The following CDKN2D variants were observed in gnomAD, a reference collection of about 807,000 sequenced individuals.
The protein encoded by CDKN2D is cyclin dependent kinase inhibitor 2D.
Under a neutral mutation model 4.7 loss-of-function variants are expected in CDKN2D, and 3 were observed. That is an observed-to-expected ratio of 0.64 (90% CI 0.29 to 1.66). The LOEUF is 1.66. Among genes scored for constraint, CDKN2D ranks in the 40% most tolerant of loss-of-function variants. The pLI, the probability that CDKN2D is intolerant of heterozygous loss-of-function variation, is 0.10. For missense variants in CDKN2D, 196 were observed against 230.9 expected (o/e 0.85, Z 0.98); for synonymous variants, 91 against 102.3 (o/e 0.89, Z 0.67).
chr19:10,568,801 A>C lies in CDKN2D; in HGVS notation c.-148T>G. The C allele has an allele frequency of 2.3e-6, 1 of 437,868 alleles. No homozygotes were observed. Among genetic ancestry groups the C allele is most frequent in the Non-Finnish European group, 3.6e-6 (1 of 277,894 alleles). The allele number at this position is 437,868 out of a possible 1,614,324, so 27.1% of individuals were successfully genotyped here. A position where few individuals can be genotyped will look rare whatever the true frequency, so the allele number is the denominator to read the frequency against. On this transcript the variant is annotated 5_prime_UTR_variant, in exon 1 of 2. Transcript: ENST00000393599. ...CGCTGCTCTCCCGTCCCGGCTCCCCAGCCCGAGACCCCGGCCCTCCCGGCG... is the reference window on the plus strand; with the variant it reads ...CGCTGCTCTCCCGTCCCGGCTCCCCCGCCCGAGACCCCGGCCCTCCCGGCG...
In CDKN2D at chr19:10,567,199, A is replaced by G. The variant is rs1916919995; in HGVS notation, c.360T>C (p.Thr120=). 2.5e-6 allele frequency: 4 copies of G among 1,614,206 alleles called. No homozygotes were observed. The highest frequency in any genetic ancestry group is 3.4e-6 in the Non-Finnish European group (4 of 1,180,030). ...PIHLAVQEGH[T]AVVSFLAAES... ...CAGCTGCCAGAAAGCTGACCACAGC[A>G]GTGTGACCCTCTTGAACTGCCAGAT... The change falls in exon 2 of 2, where the codon ACT becomes ACC. Residue 120 remains threonine (T), a synonymous_variant. Transcript: ENST00000393599.
In CDKN2D at chr19:10,566,992, G is replaced by A. The variant is rs977065124; in HGVS notation, c.*66C>T. ...GGCAGGAGAAACAAGAAGAGAAAGT[G>A]TTTCTTCCCCTCTCTTCTGATACAT... On this transcript the variant is annotated 3_prime_UTR_variant, in exon 2 of 2. Transcript: ENST00000393599. The A allele has an allele frequency of 4.8e-6, 7 of 1,473,094 alleles. No individual in the cohort carries two copies. In the African/African-American group the frequency reaches 9.8e-5, roughly 21 times the overall value. The allele number at this position is 1,473,094 out of a possible 1,614,324, so 91.3% of individuals were successfully genotyped here. A position where few individuals can be genotyped will look rare whatever the true frequency, so the allele number is the denominator to read the frequency against.
intron 1 of CDKN2D, 54 bp from the exon 2 acceptor site, chr19:10,567,471 G>C: frequency 6.4e-7 from 1 of 1,552,380 alleles, no homozygotes; most frequent in South Asian, 1.2e-5. Flanking sequence ...TTCCACAAAA[G>C]GGGTCACTGG....
rs1488373614 is a variant in CDKN2D, at chr19:10,568,662, T to C, written c.-9A>G. On this transcript the variant is annotated 5_prime_UTR_variant, in exon 1 of 2. Coordinates refer to ENST00000393599, the MANE Select transcript of CDKN2D (RefSeq NM_001800.4). The stretch of plus-strand genomic sequence containing the variant: ...ACCTCCTCCAGCAGCATGTCGACAC[T>C]GGCGGCCTGCAAAGCCCCCCGCCCC... 1.4e-6 allele frequency: 2 copies of C among 1,448,568 alleles called. No homozygotes were observed. Among genetic ancestry groups the C allele is most frequent in the Non-Finnish European group, 9.1e-7 (1 of 1,101,880 alleles). The allele number at this position is 1,448,568 out of a possible 1,614,324, so 89.7% of individuals were successfully genotyped here.
intron 1 of CDKN2D, among the ~76,000 whole-genome samples, chr19:10,567,813 G>A (rs3218215): frequency 6.6e-6 from 1 of 151,920 alleles, no homozygotes; most frequent in Admixed American, 6.6e-5. Flanking sequence ...GTCCTCATAA[G>A]GGAAAAAAGA....
chr19:10,568,834 C>A lies in CDKN2D; in HGVS notation c.-181G>T. ...ACCCCGGCCCTCCCGGCGGGCTCCT[C>A]CCCCTGTCAGCCGGAGGACGGCGAG... On this transcript the variant is annotated 5_prime_UTR_variant, in exon 1 of 2. Transcript: ENST00000393599. The A allele has an allele frequency of 2.8e-6, 1 of 352,734 alleles. No homozygotes were observed. Among genetic ancestry groups the A allele is most frequent in the Non-Finnish European group, 4.9e-6 (1 of 205,012 alleles). The allele number at this position is 352,734 out of a possible 1,614,324, so 21.9% of individuals were successfully genotyped here.
At chr19:10,567,463 C>T in intron 1 of CDKN2D, 46 bp from the exon 2 acceptor site, 1 of 1,565,012 alleles carries the variant, frequency 6.4e-7, no homozygotes, top group South Asian at 1.2e-5. Flanking sequence ...GGAGGAGGTT[C>T]CACAAAAGGG....
At position 10,568,837 on chromosome 19, in the gene CDKN2D, CCT is replaced by C. The variant is rs1916978281; in HGVS notation, c.-186_-185del. On this transcript the variant is annotated 5_prime_UTR_variant, in exon 1 of 2. Coordinates refer to ENST00000393599, the MANE Select transcript of CDKN2D (RefSeq NM_001800.4). ...CCGGCCCTCCCGGCGGGCTCCTCCC[CCT>C]GTCAGCCGGAGGACGGCGAGGGGCT... 2.9e-6 allele frequency: 1 copy of C among 347,588 alleles called. No homozygotes were observed. The highest frequency in any genetic ancestry group is 5.0e-6 in the Non-Finnish European group (1 of 200,790). 21.5% of individuals were successfully genotyped at this position (347,588 alleles called of 1,614,324 possible). A position where few individuals can be genotyped will look rare whatever the true frequency, so the allele number is the denominator to read the frequency against.
In CDKN2D at chr19:10,567,002, C is replaced by T. The variant is rs553779197; in HGVS notation, c.*56G>A. ...ACAAGAAGAGAAAGTGTTTCTTCCC[C>T]TCTCTTCTGATACATAACCCCACGG... On this transcript the variant is annotated 3_prime_UTR_variant, in exon 2 of 2. Transcript: ENST00000393599. 4.2e-5 allele frequency: 64 copies of T among 1,508,362 alleles called. No homozygotes were observed. The South Asian group carries it at 7.4e-4, about 17-fold the overall frequency. 93.4% of individuals were successfully genotyped at this position (1,508,362 alleles called of 1,614,324 possible). A position where few individuals can be genotyped will look rare whatever the true frequency, so the allele number is the denominator to read the frequency against.
Position 10,567,401 on chromosome 19 carries a change from C to T in CDKN2D, c.158G>A (p.Ser53Asn). The change falls in exon 2 of 2, where the codon AGC becomes AAC. Residue 53 changes from serine to asparagine, a missense_variant. Physicochemically the swap from Ser to Asn is conservative, Grantham distance 46 (BLOSUM62 1). Coordinates refer to ENST00000393599, the MANE Select transcript of CDKN2D (RefSeq NM_001800.4). ...KTALQVMMFG[S>N]TAIALELLKQ... The stretch of plus-strand genomic sequence containing the variant: ...CAGCAGCTCCAGGGCGATGGCGGTG[C>T]TGCCAAACATCATGACCTGTGTGAG... 6.2e-7 allele frequency: 1 copy of T among 1,613,372 alleles called. No individual in the cohort carries two copies. Among genetic ancestry groups the T allele is most frequent in the Non-Finnish European group, 8.5e-7 (1 of 1,179,614 alleles).
chr19:10,568,268 G>C (rs1178657969), intron 1 of CDKN2D, among the ~76,000 whole-genome samples: 1 of 152,100 alleles, frequency 6.6e-6, no homozygotes, highest in Non-Finnish European at 1.5e-5. Flanking sequence ...GTGAATCCCC[G>C]GCACTCAGAG....
chr19:10,568,568 T>C lies in CDKN2D; in HGVS notation c.86A>G (p.His29Arg). The C allele has an allele frequency of 6.7e-7, 1 of 1,500,470 alleles. No homozygotes were observed. The highest frequency in any genetic ancestry group is 8.9e-7 in the Non-Finnish European group (1 of 1,129,210). The allele number at this position is 1,500,470 out of a possible 1,614,324, so 92.9% of individuals were successfully genotyped here. A position where few individuals can be genotyped will look rare whatever the true frequency, so the allele number is the denominator to read the frequency against. Residue 29 changes from histidine (H) to arginine (R), a missense_variant, in exon 1 of 2, where the codon CAC becomes CGC. Physicochemically the swap from His to Arg is conservative, Grantham distance 29 (BLOSUM62 0). Coordinates refer to ENST00000393599, the MANE Select transcript of CDKN2D (RefSeq NM_001800.4). ...GDVQEVRRLL[H>R]RELVHPDALN... The stretch of plus-strand genomic sequence containing the variant: ...GGCGTCGGGATGCACCAGCTCCCGG[T>C]GCAGAAGGCGGCGCACCTCCTGCAC...
Position 10,568,594 on chromosome 19 carries a change from G to T in CDKN2D, c.60C>A (p.Asp20Glu), listed in dbSNP as rs774892901. 1.3e-6 allele frequency: 2 copies of T among 1,506,686 alleles called. No individual in the cohort carries two copies. Among genetic ancestry groups the T allele is most frequent in the Non-Finnish European group, 1.8e-6 (2 of 1,133,896 alleles). The allele number at this position is 1,506,686 out of a possible 1,614,324, so 93.3% of individuals were successfully genotyped here. The change falls in exon 1 of 2, where the codon GAC becomes GAA. Residue 20 changes from aspartate (D) to glutamate (E), a missense_variant. Coordinates refer to ENST00000393599, the MANE Select transcript of CDKN2D (RefSeq NM_001800.4). ...DRLSGAAARG[D>E]VQEVRRLLHR... ...GCAGAAGGCGGCGCACCTCCTGCAC[G>T]TCGCCCCGGGCCGCCGCCCCACTCA...
rs773650121 is a variant in CDKN2D at position 10,567,319 on chromosome 19, G to A, written c.240C>T (p.Asp80=). The stretch of plus-strand genomic sequence containing the variant: ...TGTCCAGGAATCCAGTGCGGGCTGC[G>A]TCATGGACTGGACTGGTACCGGAGG... ...QDTSGTSPVH[D]AARTGFLDTL... The change falls in exon 2 of 2, where the codon GAC becomes GAT. Residue 80 remains aspartate, a synonymous_variant. Coordinates refer to ENST00000393599, the MANE Select transcript of CDKN2D (RefSeq NM_001800.4). 8 of 1,614,056 alleles carry A rather than the reference G, an allele frequency of 5.0e-6. No individual in the cohort carries two copies. In the Admixed American group the frequency reaches 5.0e-5, roughly 10 times the overall value.
Position 10,568,775 on chromosome 19 carries a change from G to T in CDKN2D, c.-122C>A. ...GGGCGCGGCCGCGGTGCACCCGGCTGCGCTGCTCTCCCGTCCCGGCTCCCC... is the reference window on the plus strand; with the variant it reads ...GGGCGCGGCCGCGGTGCACCCGGCTTCGCTGCTCTCCCGTCCCGGCTCCCC... On this transcript the variant is annotated 5_prime_UTR_variant, in exon 1 of 2. Transcript: ENST00000393599. 5.1e-6 allele frequency: 3 copies of T among 588,430 alleles called. No homozygotes were observed. Among genetic ancestry groups the T allele is most frequent in the Non-Finnish European group, 7.3e-6 (3 of 411,242 alleles). 36.5% of individuals were successfully genotyped at this position (588,430 alleles called of 1,614,324 possible). A position where few individuals can be genotyped will look rare whatever the true frequency, so the allele number is the denominator to read the frequency against.
chr19:10,568,541 A>C lies in CDKN2D; in HGVS notation c.113T>G (p.Leu38Arg). ...LHRELVHPDALNRFGKTALQV... is the reference protein window; with the variant it reads ...LHRELVHPDARNRFGKTALQV... Reference sequence around the variant, plus strand: ...CAGCGCCGTCTTGCCGAAGCGGTTGAGGGCGTCGGGATGCACCAGCTCCCG... The same window carrying C: ...CAGCGCCGTCTTGCCGAAGCGGTTGCGGGCGTCGGGATGCACCAGCTCCCG... The change falls in exon 1 of 2, where the codon CTC becomes CGC. Residue 38 changes from leucine to arginine, a missense_variant. Leu to Arg is a moderately radical substitution (Grantham distance 102). Transcript: ENST00000393599. 6.7e-7 allele frequency: 1 copy of C among 1,482,100 alleles called. No individual in the cohort carries two copies. Among genetic ancestry groups the C allele is most frequent in the Non-Finnish European group, 9.0e-7 (1 of 1,115,972 alleles). The allele number at this position is 1,482,100 out of a possible 1,614,324, so 91.8% of individuals were successfully genotyped here. A position where few individuals can be genotyped will look rare whatever the true frequency, so the allele number is the denominator to read the frequency against.
chr19:10,567,291 G>A lies in CDKN2D; in HGVS notation c.268C>T (p.Leu90=). The change falls in exon 2 of 2, where the codon CTG becomes TTG. Residue 90 remains leucine, a synonymous_variant. Transcript: ENST00000393599. ...DAARTGFLDT[L]KVLVEHGADV... ...GCCCCGTGCTCCACTAGGACCTTCA[G>A]GGTGTCCAGGAATCCAGTGCGGGCT... 6.2e-7 allele frequency: 1 copy of A among 1,614,206 alleles called. No homozygotes were observed. The highest frequency in any genetic ancestry group is 1.3e-5 in the African/African-American group (1 of 75,050).
chr19:10,567,391 G>C lies in CDKN2D; in HGVS notation c.168C>G (p.Ile56Met), dbSNP rs745421966. The change falls in exon 2 of 2, where the codon ATC becomes ATG. Residue 56 changes from isoleucine (I) to methionine (M), a missense_variant. Transcript: ENST00000393599. ...LQVMMFGSTAIALELLKQGAS... is the reference protein window; with the variant it reads ...LQVMMFGSTAMALELLKQGAS... ...CACCTTGCTTCAGCAGCTCCAGGGC[G>C]ATGGCGGTGCTGCCAAACATCATGA... 1 of 1,613,840 alleles carries C rather than the reference G, an allele frequency of 6.2e-7. No individual in the cohort carries two copies. Among genetic ancestry groups the C allele is most frequent in the Admixed American group, 1.7e-5 (1 of 60,010 alleles).
At chr19:10,567,566 A>G (rs1916935819) in intron 1 of CDKN2D, 149 bp from the exon 2 acceptor site, 1 of 957,678 alleles carries the variant, frequency 1.0e-6, no homozygotes, top group African/African-American at 1.6e-5. Flanking sequence ...GAGAAGCTGC[A>G]TAAGCCCCCA....
Sources: allele counts gnomAD v4.1 joint callset (sites outside exome capture counted in the v4.1 genomes callset), GRCh38; gene constraint gnomAD v4.1.1; transcripts MANE v1.5; gene names NCBI Gene and HGNC (gene_info 2026-07-23, HGNC 2026-07-21).